Variants in KCNT2 observed in about 807,000 individuals in gnomAD.
KCNT2 encodes the protein potassium channel subfamily T member 2.
A neutral mutation model predicts 153.8 loss-of-function variants in KCNT2; 67 were observed. The observed-to-expected ratio is 0.44, with a 90% CI of 0.36 to 0.53. The LOEUF (loss-of-function observed/expected upper bound fraction) is 0.53. KCNT2 is among the 20% of genes least tolerant of loss of function. The pLI is 0.00. For synonymous variants in KCNT2, 500 were observed against 458.8 expected (o/e 1.09, Z -1.15); for missense variants, 975 against 1,354.8 (o/e 0.72, Z 4.40).
chr1:196,567,280 C>T (rs1031001357), intron 1 of KCNT2, among the ~76,000 whole-genome samples: 4 of 152,118 alleles, frequency 2.6e-5, no homozygotes, highest in Middle Eastern at 3.4e-3. Flanking sequence ...TGCCCTCTTC[C>T]ATCTACTAGA....
In KCNT2 at chr1:196,228,480, CTGTT is replaced by C. The variant is rs1459339331; in HGVS notation, c.3297-149_3297-146del. The stretch of plus-strand genomic sequence containing the variant: ...TATACAACATTGGTGGTAGAACTCA[CTGTT>C]TGGTTGGCCTTTACAATTTGGCATG... On this transcript the variant is annotated intron_variant, in intron 27 of 27. Coordinates refer to ENST00000294725, the MANE Select transcript of KCNT2 (RefSeq NM_198503.5). The C allele has an allele frequency of 7.7e-6, 4 of 522,276 alleles. 1 individual carries two copies. The highest frequency in any genetic ancestry group is 6.5e-5 in the East Asian group (2 of 30,954). The allele number at this position is 522,276 out of a possible 1,614,324, so 32.4% of individuals were successfully genotyped here.
intron 19 of KCNT2, among the ~76,000 whole-genome samples, chr1:196,322,873 C>T (rs909834426): frequency 6.6e-6 from 1 of 151,810 alleles, no homozygotes; most frequent in Non-Finnish European, 1.5e-5. Flanking sequence ...AAATAAGTGT[C>T]CTTTTTTATT....
At chr1:196,284,094 A>C (rs1571903183) in intron 23 of KCNT2, among the ~76,000 whole-genome samples, 1 of 149,404 alleles carries the variant, frequency 6.7e-6, no homozygotes, top group Admixed American at 6.7e-5. Flanking sequence ...AGCCAGATGT[A>C]ATGGTGCACA....
At chr1:196,558,789 T>C (rs569188787) in intron 1 of KCNT2, among the ~76,000 whole-genome samples, 2 of 151,678 alleles carry the variant, frequency 1.3e-5, no homozygotes, top group South Asian at 4.1e-4. Flanking sequence ...AGAAATGTAG[T>C]AAACCTGAAA....
intron 1 of KCNT2, among the ~76,000 whole-genome samples, chr1:196,521,654 T>G (rs1377771631): frequency 6.6e-6 from 1 of 152,106 alleles, no homozygotes; most frequent in Non-Finnish European, 1.5e-5. Context: ...TGGAGGAACA[T>G]GAATGGAGCT....
chr1:196,518,962 T>C (rs1652979995), intron 1 of KCNT2, among the ~76,000 whole-genome samples: 1 of 152,032 alleles, frequency 6.6e-6, no homozygotes, highest in South Asian at 2.1e-4. Flanking sequence ...TCTACAGAAC[T>C]CTCTACCCAA....
intron 3 of KCNT2, among the ~76,000 whole-genome samples, chr1:196,483,424 C>T (rs1296569277): frequency 6.6e-6 from 1 of 152,166 alleles, no homozygotes; most frequent in African/African-American, 2.4e-5. Flanking sequence ...CCATTTTTCT[C>T]CAAGTCGCAA....
intron 13 of KCNT2, among the ~76,000 whole-genome samples, chr1:196,374,143 A>G (rs1218196355): frequency 6.6e-6 from 1 of 151,966 alleles, no homozygotes; most frequent in East Asian, 1.9e-4. Context: ...TATAGCTGGT[A>G]TTAAAAATAA....
intron 25 of KCNT2, among the ~76,000 whole-genome samples, chr1:196,280,607 C>A (rs1176358532): frequency 2.6e-5 from 4 of 152,048 alleles, no homozygotes; most frequent in Non-Finnish European, 5.9e-5. Context: ...CCTAGATCTA[C>A]AAAAGTCATC....
chr1:196,368,572 C>A (rs1016899566), intron 14 of KCNT2, among the ~76,000 whole-genome samples: 2 of 152,030 alleles, frequency 1.3e-5, no homozygotes, highest in Non-Finnish European at 2.9e-5. Context: ...TTCAGAAGTC[C>A]TCAGAGAACA....
chr1:196,350,353 T>C (rs933294500), intron 14 of KCNT2, among the ~76,000 whole-genome samples: 53 of 152,152 alleles, frequency 3.5e-4, no homozygotes, highest in Non-Finnish European at 7.3e-4. Flanking sequence ...TTTCTCCACA[T>C]CCTCTCCAGC....
Position 196,319,526 on chromosome 1 carries a change from C to G in KCNT2, c.2306G>C (p.Cys769Ser), listed in dbSNP as rs760245363. ...PPDMHFLDAI[C>S]WFPMVYYMVG... is the part of the protein sequence containing the mutation. The stretch of plus-strand genomic sequence containing the variant: ...CATGTAGTAAACCATTGGAAACCAA[C>G]AGATTGCATCCAGAAAATGCATATC... The change falls in exon 20 of 28, where the codon TGT becomes TCT. Residue 769 changes from cysteine to serine, a missense_variant. Physicochemically the swap from Cys to Ser is moderately radical, Grantham distance 112. This residue lies in a region of KCNT2 where 325 missense variants were observed against 388.1 expected (regional missense o/e 0.84). Transcript: ENST00000294725. The G allele has an allele frequency of 3.7e-6, 6 of 1,610,064 alleles. No individual in the cohort carries two copies. Among genetic ancestry groups the G allele is most frequent in the Admixed American group, 1.7e-5 (1 of 59,718 alleles).
chr1:196,332,457 A>G (rs191431810), intron 17 of KCNT2, among the ~76,000 whole-genome samples: 2 of 152,240 alleles, frequency 1.3e-5, no homozygotes, highest in African/African-American at 4.8e-5. Context: ...TTTTGTGGGT[A>G]CACCAACCTT....
chr1:196,228,416 A>AATT, intron 27 of KCNT2, 81 bp from the exon 28 acceptor site: 2 of 726,796 alleles, frequency 2.8e-6, no homozygotes, highest in South Asian at 3.5e-5. Flanking sequence ...TCATATTTCT[A>AATT]ATTTATTTGT....
intron 15 of KCNT2, among the ~76,000 whole-genome samples, chr1:196,341,516 T>C (rs1665627719): frequency 6.6e-6 from 1 of 152,010 alleles, no homozygotes. Context: ...CTCCAAAATG[T>C]GTCACATTAA....
chr1:196,361,468 G>A (rs1338729869), intron 14 of KCNT2, among the ~76,000 whole-genome samples: 1 of 152,068 alleles, frequency 6.6e-6, no homozygotes, highest in African/African-American at 2.4e-5. Context: ...TAGGGCAGAT[G>A]TGTGTCCTCA....
At chr1:196,429,351 A>T (rs1486206670) in intron 9 of KCNT2, among the ~76,000 whole-genome samples, 2 of 151,260 alleles carry the variant, frequency 1.3e-5, no homozygotes, top group African/African-American at 4.8e-5. Context: ...AAATAAGATG[A>T]GTGCTGTCAG....
rs1297219587 is a variant in KCNT2, at chr1:196,228,311, C to G, written c.3321G>C (p.Leu1107=). 1 of 1,606,596 alleles carries G rather than the reference C, an allele frequency of 6.2e-7. No homozygotes were observed. Among genetic ancestry groups the G allele is most frequent in the African/African-American group, 1.3e-5 (1 of 74,560 alleles). The change falls in exon 28 of 28, where the codon CTG becomes CTC. Residue 1107 remains leucine (L), a synonymous_variant. Transcript: ENST00000294725. Reference sequence around the variant, plus strand: ...TGGGCTCACTGTTTGGAAGGTAGGCCAGTGGATCTGGTCGAATTAAGTATC... The same window carrying G: ...TGGGCTCACTGTTTGGAAGGTAGGCGAGTGGATCTGGTCGAATTAAGTATC... ...DVVYLIRPDP[L]AYLPNSEPSR...
At chr1:196,254,638 T>C (rs866104701) in intron 26 of KCNT2, among the ~76,000 whole-genome samples, 23 of 151,658 alleles carry the variant, frequency 1.5e-4, no homozygotes, top group Non-Finnish European at 2.5e-4. Context: ...AAGATGATGG[T>C]CTTATTATTA....
Sources: allele counts gnomAD v4.1 joint callset (sites outside exome capture counted in the v4.1 genomes callset), GRCh38; gene constraint gnomAD v4.1.1; regional missense constraint gnomAD v4.1.1; transcripts MANE v1.5; gene names NCBI Gene and HGNC (gene_info 2026-07-23, HGNC 2026-07-21).